Variants in SGCZ observed in about 807,000 individuals in gnomAD.
SGCZ encodes the protein zeta-sarcoglycan.
SGCZ carries 40 observed loss-of-function variants against 41.3 expected under a neutral mutation model. The observed-to-expected ratio is 0.97, with a 90% CI of 0.75 to 1.26. The LOEUF is 1.26. SGCZ is among the 50% of genes most tolerant of loss of function. The pLI, the probability that SGCZ is intolerant of heterozygous loss-of-function variation, is 0.00. For missense variants in SGCZ, 552 were observed against 369.8 expected (o/e 1.49, Z -4.04); for synonymous variants, 206 against 137.5 (o/e 1.50, Z -3.49).
chr8:15,219,501 G>C (rs1277802016), intron 1 of SGCZ, among the ~76,000 whole-genome samples: 2 of 152,174 alleles, frequency 1.3e-5, no homozygotes, highest in Admixed American at 1.3e-4. Flanking sequence ...TCTGAGAAAG[G>C]TGTGTTTTTT....
Position 14,612,277 on chromosome 8 carries a change from T to C in SGCZ, c.40-57351A>G, listed in dbSNP as rs192024834. Among the ~76,000 whole-genome samples, 560 of 152,276 alleles carry C rather than the reference T, an allele frequency of 3.7e-3. 6 individuals are homozygous for C. Among genetic ancestry groups the C allele is most frequent in the Middle Eastern group, 3.4e-3 (1 of 292 alleles). ...GGGGTCAGTCTCCTCCATGCTGTTC[T>C]CATGATAGTGAGTGAGTTCTCATGA... On this transcript the variant is annotated intron_variant, in intron 1 of 7. Coordinates refer to ENST00000382080, the MANE Select transcript of SGCZ (RefSeq NM_139167.4).
intron 1 of SGCZ, chr8:14,879,393 T>G (rs1175159094): frequency 6.6e-6 from 1 of 151,870 alleles, no homozygotes; most frequent in East Asian, 1.9e-4. Flanking sequence ...AAAAGAAAAC[T>G]AATCATAGAA....
chr8:14,301,603 T>C (rs1308223141), intron 3 of SGCZ, among the ~76,000 whole-genome samples: 1 of 152,116 alleles, frequency 6.6e-6, no homozygotes, highest in African/African-American at 2.4e-5. Flanking sequence ...CTTTGGTTTC[T>C]CTAATAGAAT....
chr8:14,206,341 C>A (rs1388580263), intron 4 of SGCZ, among the ~76,000 whole-genome samples: 1 of 152,106 alleles, frequency 6.6e-6, no homozygotes, highest in African/African-American at 2.4e-5. Context: ...TACATCCAGT[C>A]AATTATTTGG....
intron 1 of SGCZ, among the ~76,000 whole-genome samples, chr8:14,709,109 C>T (rs1554485165): frequency 6.6e-6 from 1 of 152,056 alleles, no homozygotes; most frequent in Non-Finnish European, 1.5e-5. Context: ...TCCCTTTCTC[C>T]TTTTTTGTGC....
chr8:14,541,637 G>C (rs943176182), intron 2 of SGCZ, among the ~76,000 whole-genome samples: 1 of 152,016 alleles, frequency 6.6e-6, no homozygotes, highest in Non-Finnish European at 1.5e-5. Context: ...AATCCTTTGG[G>C]TATATGCCCA....
intron 1 of SGCZ, among the ~76,000 whole-genome samples, chr8:14,980,683 G>C (rs1801630480): frequency 6.6e-6 from 1 of 152,116 alleles, no homozygotes; most frequent in African/African-American, 2.4e-5. Flanking sequence ...GATCTCATGA[G>C]ACTTATTCAC....
At chr8:14,899,839 G>A (rs564158912) in intron 1 of SGCZ, among the ~76,000 whole-genome samples, 1 of 147,486 alleles carries the variant, frequency 6.8e-6, no homozygotes, top group African/African-American at 2.5e-5. Context: ...AAGTGAGAGA[G>A]GAAGGAAGAG....
At chr8:14,550,795 C>T (rs182455825) in intron 2 of SGCZ, among the ~76,000 whole-genome samples, 29 of 152,078 alleles carry the variant, frequency 1.9e-4, no homozygotes, top group Non-Finnish European at 2.9e-5. Flanking sequence ...ACCTGCCTTT[C>T]AGGGTTTAAG....
chr8:14,848,419 A>C (rs985599597), intron 1 of SGCZ, among the ~76,000 whole-genome samples: 2 of 152,228 alleles, frequency 1.3e-5, no homozygotes, highest in African/African-American at 2.4e-5. Context: ...AAGAGGAACC[A>C]AATAGGAGGA....
chr8:14,494,244 G>C (rs536128555), intron 2 of SGCZ, among the ~76,000 whole-genome samples: 33 of 152,284 alleles, frequency 2.2e-4, no homozygotes, highest in East Asian at 1.4e-3. Context: ...AGAGACTTCA[G>C]AGCCTGTCTC....
At chr8:14,513,077 A>G (rs940796410) in intron 2 of SGCZ, among the ~76,000 whole-genome samples, 11 of 152,124 alleles carry the variant, frequency 7.2e-5, no homozygotes, top group African/African-American at 2.7e-4. Flanking sequence ...CTCACAGTGA[A>G]GAGTAACACA....
At chr8:14,143,237 TTCTC>T (rs1020383473) in intron 5 of SGCZ, among the ~76,000 whole-genome samples, 81 of 152,090 alleles carry the variant, frequency 5.3e-4, no homozygotes, top group African/African-American at 1.9e-3. Flanking sequence ...ACTGGATGAG[TTCTC>T]TCTAAGATTG....
chr8:14,441,913 T>C (rs1418425136), intron 2 of SGCZ, among the ~76,000 whole-genome samples: 4 of 152,218 alleles, frequency 2.6e-5, no homozygotes, highest in Non-Finnish European at 4.4e-5. Flanking sequence ...TCCAGTATGA[T>C]GTAATTCTTT....
chr8:14,437,073 A>G (rs1291813080), intron 2 of SGCZ, among the ~76,000 whole-genome samples: 2 of 152,310 alleles, frequency 1.3e-5, no homozygotes, highest in East Asian at 3.9e-4. Context: ...ACTTTTGGTG[A>G]TATTAGCATG....
At chr8:14,458,142 A>T (rs1385029083) in intron 2 of SGCZ, among the ~76,000 whole-genome samples, 1 of 152,198 alleles carries the variant, frequency 6.6e-6, no homozygotes, top group Non-Finnish European at 1.5e-5. Flanking sequence ...TTTTAGAACT[A>T]TATTACTGGT....
At chr8:14,759,821 A>G (rs918039152) in intron 1 of SGCZ, among the ~76,000 whole-genome samples, 2 of 152,186 alleles carry the variant, frequency 1.3e-5, no homozygotes, top group African/African-American at 4.8e-5. Flanking sequence ...GTGCCTTCAC[A>G]CAACTAGATC....
At chr8:14,905,970 G>A (rs1446812316) in intron 1 of SGCZ, among the ~76,000 whole-genome samples, 1 of 152,000 alleles carries the variant, frequency 6.6e-6, no homozygotes, top group Non-Finnish European at 1.5e-5. Flanking sequence ...AAGATATAGT[G>A]TTAGGAATGT....
At chr8:15,057,225 A>T (rs1804746103) in intron 1 of SGCZ, among the ~76,000 whole-genome samples, 1 of 152,206 alleles carries the variant, frequency 6.6e-6, no homozygotes, top group Non-Finnish European at 1.5e-5. Context: ...CCCTCCTTCA[A>T]GAATTACCAT....
Sources: allele counts gnomAD v4.1 joint callset (sites outside exome capture counted in the v4.1 genomes callset), GRCh38; gene constraint gnomAD v4.1.1; transcripts MANE v1.5; gene names NCBI Gene and HGNC (gene_info 2026-07-23, HGNC 2026-07-21).